GAB1: variants seen among roughly 807,000 people sequenced by gnomAD.
GAB1 encodes GRB2-associated-binding protein 1.
GAB1 carries 19 observed loss-of-function variants against 66.5 expected under a neutral mutation model. That is an observed-to-expected ratio of 0.29 (90% CI 0.20 to 0.42). The LOEUF is 0.42. Ranked by LOEUF, GAB1 falls within the 10% of genes least tolerant of loss-of-function variation. The pLI is 1.00. For missense variants in GAB1, 732 were observed against 858.5 expected, an observed-to-expected ratio of 0.85 and a Z score of 1.84; for synonymous variants, 294 against 301.4, an observed-to-expected ratio of 0.98 and a Z score of 0.25.
rs1385704818 is a variant in GAB1, at chr4:143,336,983, CG to C, written c.-205del. The C allele has an allele frequency of 2.0e-6, 1 of 490,562 alleles. No homozygotes were observed. The highest frequency in any genetic ancestry group is 3.6e-6 in the Non-Finnish European group (1 of 276,550). The allele number at this position is 490,562 out of a possible 1,614,324, so 30.4% of individuals were successfully genotyped here. ...CCGGCGCGCCCGCGGCCCCGGCTCGCGTTCTGTTCAGGTTCGTGGGCCTGCA... is the reference window on the plus strand; with the variant it reads ...CCGGCGCGCCCGCGGCCCCGGCTCGCTTCTGTTCAGGTTCGTGGGCCTGCA... On this transcript the variant is annotated 5_prime_UTR_variant, in exon 1 of 10. Transcript: ENST00000262994.
At chr4:143,466,945 G>A (rs1292408922) in intron 9 of GAB1, among the ~76,000 whole-genome samples, 1 of 152,148 alleles carries the variant, frequency 6.6e-6, no homozygotes, top group Non-Finnish European at 1.5e-5. Flanking sequence ...ATATAACAAT[G>A]TTTATTTACA....
chr4:143,363,036 G>A (rs1729726978), intron 1 of GAB1, among the ~76,000 whole-genome samples: 1 of 152,162 alleles, frequency 6.6e-6, no homozygotes, highest in African/African-American at 2.4e-5. Flanking sequence ...TCCCCATTTT[G>A]TAAAGGAACT....
intron 1 of GAB1, among the ~76,000 whole-genome samples, chr4:143,393,859 A>G (rs555300728): frequency 2.0e-5 from 3 of 152,358 alleles, no homozygotes; most frequent in Admixed American, 2.0e-4. Context: ...TTTGAATTAA[A>G]TGACACTTAA....
chr4:143,463,928 G>T (rs779774203), intron 8 of GAB1, among the ~76,000 whole-genome samples: 1 of 152,194 alleles, frequency 6.6e-6, no homozygotes, highest in Non-Finnish European at 1.5e-5. Context: ...TTGGTATTAT[G>T]CATGCAGGTC....
intron 6 of GAB1, among the ~76,000 whole-genome samples, chr4:143,446,620 T>C (rs563318411): frequency 1.8e-4 from 28 of 152,316 alleles, no homozygotes; most frequent in Middle Eastern, 3.4e-3. Flanking sequence ...TCATATCCTT[T>C]GCCCACTTTT....
At chr4:143,417,137 T>C (rs937507385) in intron 2 of GAB1, among the ~76,000 whole-genome samples, 4 of 152,118 alleles carry the variant, frequency 2.6e-5, no homozygotes, top group Non-Finnish European at 4.4e-5. Flanking sequence ...ATGTAGGCTT[T>C]TGAAAGAAAC....
chr4:143,383,863 C>T (rs1730765214), intron 1 of GAB1, among the ~76,000 whole-genome samples: 1 of 152,038 alleles, frequency 6.6e-6, no homozygotes, highest in Non-Finnish European at 1.5e-5. Context: ...TCACTTGAGG[C>T]CAGGAGTTCG....
intron 1 of GAB1, chr4:143,394,803 T>A (rs1026442215): frequency 6.6e-6 from 1 of 152,162 alleles, no homozygotes; most frequent in Non-Finnish European, 1.5e-5. Context: ...TCTTTTTCCT[T>A]CTTTTGTACT....
In GAB1 at chr4:143,459,525, A is replaced by G. The variant is rs201285548; in HGVS notation, c.1679+47A>G. 8 of 1,008,484 alleles carry G rather than the reference A, an allele frequency of 7.9e-6. No homozygotes were observed. The East Asian group carries it at 1.7e-4, about 21-fold the overall frequency. 62.5% of individuals were successfully genotyped at this position (1,008,484 alleles called of 1,614,324 possible). A position where few individuals can be genotyped will look rare whatever the true frequency, so the allele number is the denominator to read the frequency against. ...TGTAGTTTGTATGAATAATGTGACT[A>G]TCTAGAATTGTTCATTATCATGGAA... On this transcript the variant is annotated intron_variant, in intron 7 of 9. Transcript: ENST00000262994.
intron 1 of GAB1, among the ~76,000 whole-genome samples, chr4:143,405,635 A>G (rs1251907182): frequency 1.3e-5 from 2 of 152,172 alleles, no homozygotes; most frequent in Non-Finnish European, 2.9e-5. Context: ...CCTTTTAACC[A>G]CCAAGTCCTT....
chr4:143,338,916 C>T (rs1293676154), intron 1 of GAB1, among the ~76,000 whole-genome samples: 3 of 152,086 alleles, frequency 2.0e-5, no homozygotes, highest in Non-Finnish European at 4.4e-5. Flanking sequence ...CAAAAGACGC[C>T]AGGCACTGTA....
At chr4:143,451,202 A>G (rs1734911938) in intron 6 of GAB1, among the ~76,000 whole-genome samples, 1 of 152,112 alleles carries the variant, frequency 6.6e-6, no homozygotes, top group Admixed American at 6.6e-5. Context: ...TGAGAGTGTG[A>G]GTGGCAATTA....
At chr4:143,399,573 A>C (rs1731642602) in intron 1 of GAB1, among the ~76,000 whole-genome samples, 1 of 152,188 alleles carries the variant, frequency 6.6e-6, no homozygotes, top group African/African-American at 2.4e-5. Context: ...AGACAAAAGA[A>C]TAGAGAAGAA....
intron 2 of GAB1, among the ~76,000 whole-genome samples, chr4:143,421,000 T>G (rs1297762541): frequency 6.6e-6 from 1 of 152,096 alleles, no homozygotes; most frequent in Non-Finnish European, 1.5e-5. Context: ...TATATCTACA[T>G]GTAGATACAG....
intron 1 of GAB1, among the ~76,000 whole-genome samples, chr4:143,408,815 T>A (rs1441258305): frequency 6.6e-6 from 1 of 152,224 alleles, no homozygotes; most frequent in African/African-American, 2.4e-5. Context: ...TCCTTAAATA[T>A]CAGTTGTGAA....
intron 1 of GAB1, among the ~76,000 whole-genome samples, chr4:143,411,638 G>A (rs1232134862): frequency 6.6e-6 from 1 of 152,156 alleles, no homozygotes; most frequent in Admixed American, 6.5e-5. Context: ...AAGAATCTCA[G>A]ATATTTTCAG....
At chr4:143,440,587 TA>T (rs1734174142) in intron 6 of GAB1, among the ~76,000 whole-genome samples, 1 of 152,216 alleles carries the variant, frequency 6.6e-6, no homozygotes, top group African/African-American at 2.4e-5. Flanking sequence ...GTGATATTTA[TA>T]AGTCTCCTAT....
intron 1 of GAB1, among the ~76,000 whole-genome samples, chr4:143,399,236 A>G (rs916332599): frequency 6.6e-6 from 1 of 152,236 alleles, no homozygotes; most frequent in Non-Finnish European, 1.5e-5. Context: ...CTTCTTAAAT[A>G]TTAAGAAAGC....
chr4:143,454,310 G>A (rs934378706), intron 6 of GAB1, among the ~76,000 whole-genome samples: 4 of 152,188 alleles, frequency 2.6e-5, no homozygotes, highest in African/African-American at 9.6e-5. Flanking sequence ...TTGAATTGAA[G>A]TAGCTGGATA....
Sources: allele counts gnomAD v4.1 joint callset (sites outside exome capture counted in the v4.1 genomes callset), GRCh38; gene constraint gnomAD v4.1.1; transcripts MANE v1.5; gene names NCBI Gene and HGNC (gene_info 2026-07-23, HGNC 2026-07-21).